ZNF563: variants seen among roughly 807,000 people sequenced by gnomAD.
ZNF563 encodes the protein zinc finger protein 563.
Under a neutral mutation model 48.5 loss-of-function variants are expected in ZNF563, and 39 were observed. That is an observed-to-expected ratio of 0.80 (90% CI 0.62 to 1.05). The LOEUF (loss-of-function observed/expected upper bound fraction) is 1.05. Among genes scored for constraint, ZNF563 ranks in the 50% least tolerant of loss-of-function variants. ZNF563 has a pLI of 0.00. For missense variants in ZNF563, 538 were observed against 597.0 expected, an observed-to-expected ratio of 0.90 and a Z score of 1.03; for synonymous variants, 168 against 187.9, an observed-to-expected ratio of 0.89 and a Z score of 0.87.
intron 1 of ZNF563, among the ~76,000 whole-genome samples, chr19:12,329,895 G>A (rs1418942118): frequency 6.6e-6 from 1 of 151,906 alleles, no homozygotes; most frequent in Non-Finnish European, 1.5e-5. Context: ...GAAGTAGGTA[G>A]GTAGGTAATA....
the ZNF563 span, among the ~76,000 whole-genome samples, chr19:12,340,466 T>C: frequency 6.6e-6 from 1 of 152,108 alleles, no homozygotes; most frequent in Non-Finnish European, 1.5e-5. Context: ...TGAGACCCTA[T>C]GTCAAACATA....
the ZNF563 span, among the ~76,000 whole-genome samples, chr19:12,339,118 G>A: frequency 1.6e-4 from 25 of 152,074 alleles, 1 homozygote; most frequent in Admixed American, 1.6e-3. Context: ...ATCTCGTTGT[G>A]ATGTTTACAG....
At position 12,318,909 on chromosome 19, in the gene ZNF563, T is replaced by C. The variant is rs1458589850; in HGVS notation, c.1116A>G (p.Lys372=). 1.2e-6 allele frequency: 2 copies of C among 1,614,094 alleles called. No individual in the cohort carries two copies. The highest frequency in any genetic ancestry group is 1.7e-6 in the Non-Finnish European group (2 of 1,180,040). Residue 372 remains lysine (K), a synonymous_variant, in exon 4 of 4, where the codon AAA becomes AAG. Transcript: ENST00000293725. The part of the protein sequence containing the change: ...EKPYECKQCG[K]TLSHSSSFRR... Reference sequence around the variant, plus strand: ...GAAAGCTTGAGCTATGAGATAACGTTTTCCCACACTGCTTGCATTCATAGG... The same window carrying C: ...GAAAGCTTGAGCTATGAGATAACGTCTTCCCACACTGCTTGCATTCATAGG...
chr19:12,335,453 G>T (rs960970913), upstream of ZNF563, among the ~76,000 whole-genome samples: 11 of 152,314 alleles, frequency 7.2e-5, no homozygotes, highest in African/African-American at 2.6e-4. Context: ...TGGCCCTGGG[G>T]CTTCCCTGGG....
intron 1 of ZNF563, among the ~76,000 whole-genome samples, chr19:12,328,743 T>C (rs991706395): frequency 1.4e-4 from 22 of 151,846 alleles, no homozygotes; most frequent in African/African-American, 5.3e-4. Flanking sequence ...TACTTAAGCC[T>C]GGGCAACAAA....
intron 1 of ZNF563, 136 bp from the exon 2 acceptor site, chr19:12,322,847 C>T (rs1476780304): frequency 3.1e-6 from 3 of 958,046 alleles, no homozygotes; most frequent in Non-Finnish European, 4.3e-6. Context: ...CTCATATTCT[C>T]TTTACACTCA....
At chr19:12,346,724 C>T in the ZNF563 span, 1 of 152,170 alleles carries the variant, frequency 6.6e-6, no homozygotes, top group African/African-American at 2.4e-5. Flanking sequence ...AATGGATAAA[C>T]AAAGTATGCT....
rs143904168 is a variant in ZNF563 at position 12,318,611 on chromosome 19, A to G, written c.1414T>C (p.Trp472Arg). The change falls in exon 4 of 4, where the codon TGG (tryptophan) becomes CGG (arginine). Residue 472 changes from tryptophan (W) to arginine (R), a missense_variant. Coordinates refer to ENST00000293725, the MANE Select transcript of ZNF563 (RefSeq NM_145276.3). ...SVCQRHEKTH[W>R]RETI ...GTTTACATTCATATTGTTTCTCTCC[A>G]GTGAGTCTTTTCATGTCTTTGACAT... 118 of 1,613,384 alleles carry G rather than the reference A, an allele frequency of 7.3e-5. No individual in the cohort carries two copies. In the African/African-American group the frequency reaches 1.4e-3, roughly 19 times the overall value.
At chr19:12,337,007 G>A (rs888184032), upstream of ZNF563, among the ~76,000 whole-genome samples, 6 of 152,138 alleles carry the variant, frequency 3.9e-5, no homozygotes, top group African/African-American at 1.4e-4. Flanking sequence ...TCTTGGGTGA[G>A]GACACATCCA....
upstream of ZNF563, chr19:12,333,647 A>G: frequency 9.7e-7 from 1 of 1,033,830 alleles, no homozygotes; most frequent in African/African-American, 1.6e-5. Flanking sequence ...TCTAGAGCTG[A>G]GCGCAGGGGC....
At chr19:12,321,133 C>T in intron 3 of ZNF563, 139 bp downstream of exon 3, 1 of 578,680 alleles carries the variant, frequency 1.7e-6, no homozygotes, top group Non-Finnish European at 2.8e-6. Flanking sequence ...GAGCAAGGCC[C>T]TGACTAAAAA....
chr19:12,336,718 C>T (rs911587992), upstream of ZNF563, among the ~76,000 whole-genome samples: 17 of 152,196 alleles, frequency 1.1e-4, no homozygotes, highest in Non-Finnish European at 2.4e-4. Context: ...TGTGAGCTCT[C>T]CTCTCTCCTT....
At chr19:12,342,940 G>A in the ZNF563 span, among the ~76,000 whole-genome samples, 9 of 152,116 alleles carry the variant, frequency 5.9e-5, no homozygotes, top group East Asian at 1.5e-3. Flanking sequence ...GGTTACACCT[G>A]TAATCCCAGC....
At chr19:12,340,344 AAAG>A in the ZNF563 span, among the ~76,000 whole-genome samples, 556 of 152,228 alleles carry the variant, frequency 3.7e-3, 2 homozygotes, top group African/African-American at 0.013. Context: ...AAAAAGAAAA[AAAG>A]AAGAAGAAAA....
the ZNF563 span, among the ~76,000 whole-genome samples, chr19:12,340,067 G>A: frequency 6.6e-6 from 1 of 152,194 alleles, no homozygotes; most frequent in African/African-American, 2.4e-5. Flanking sequence ...AGGTGCGGTG[G>A]CTCACATCTG....
chr19:12,343,637 C>G, the ZNF563 span, among the ~76,000 whole-genome samples: 24 of 152,036 alleles, frequency 1.6e-4, no homozygotes, highest in African/African-American at 5.8e-4. Flanking sequence ...GTGAGGCCAG[C>G]CTCACTTTGA....
At chr19:12,320,613 C>T (rs557963683) in intron 3 of ZNF563, among the ~76,000 whole-genome samples, 11 of 152,118 alleles carry the variant, frequency 7.2e-5, no homozygotes, top group African/African-American at 2.6e-4. Flanking sequence ...AATTCTCCTG[C>T]CTTGGCCTCC....
At chr19:12,339,404 C>T in the ZNF563 span, among the ~76,000 whole-genome samples, 143 of 150,832 alleles carry the variant, frequency 9.5e-4, 1 homozygote, top group African/African-American at 3.2e-3. Flanking sequence ...CTCAGCCTCC[C>T]GAGTAGCTGG....
At chr19:12,330,295 A>T (rs113625260) in intron 1 of ZNF563, among the ~76,000 whole-genome samples, 1,819 of 152,218 alleles carry the variant, frequency 0.012, 14 homozygotes, top group Non-Finnish European at 0.017. Flanking sequence ...CATTACAGAC[A>T]TATCTCCACC....
Sources: allele counts gnomAD v4.1 joint callset (sites outside exome capture counted in the v4.1 genomes callset), GRCh38; gene constraint gnomAD v4.1.1; transcripts MANE v1.5; gene names NCBI Gene and HGNC (gene_info 2026-07-23, HGNC 2026-07-21).